TPRG1: variants seen among roughly 807,000 people sequenced by gnomAD.
TPRG1 encodes the protein tumor protein p63-regulated gene 1 protein.
Under a neutral mutation model 29.3 loss-of-function variants are expected in TPRG1, and 29 were observed. The ratio of observed to expected loss-of-function variants is 0.99; its 90% CI spans 0.74 to 1.35. The LOEUF is 1.35. TPRG1 is among the 40% of genes most tolerant of loss of function. The pLI, the probability that TPRG1 is intolerant of heterozygous loss-of-function variation, is 0.00. For missense variants in TPRG1, 327 were observed against 335.0 expected (o/e 0.98, Z 0.19); for synonymous variants, 130 against 116.8 (o/e 1.11, Z -0.73).
In TPRG1 at chr3:189,087,353, C is replaced by T. The variant is rs1011574982; in HGVS notation, c.-462-39704C>T. Among the ~76,000 whole-genome samples, 7 of 151,982 alleles carry T rather than the reference C, an allele frequency of 4.6e-5. No homozygotes were observed. In the South Asian group the frequency reaches 1.2e-3, roughly 27 times the overall value. ...TCCTTTGCCCAATTTTTGATGGGGT[C>T]GTTAGTTTTTTCTTGTAAATTTGTT... On this transcript the variant is annotated intron_variant, in intron 4 of 10. Transcript: ENST00000433971.
chr3:189,154,876 G>A (rs1726455110), intron 5 of TPRG1, among the ~76,000 whole-genome samples: 1 of 152,206 alleles, frequency 6.6e-6, no homozygotes, highest in Non-Finnish European at 1.5e-5. Flanking sequence ...AAAGGTGAGT[G>A]GGTTGGGGTG....
chr3:189,214,026 A>T (rs2108832798), intron 2 of TPRG1, among the ~76,000 whole-genome samples: 1 of 152,294 alleles, frequency 6.6e-6, no homozygotes, highest in East Asian at 1.9e-4. Context: ...TATATGCAAA[A>T]ATTTCTTTAG....
chr3:189,211,784 C>G lies in TPRG1; in HGVS notation c.211-3508C>G, dbSNP rs543235661. On this transcript the variant is annotated intron_variant, in intron 2 of 5. Transcript: ENST00000345063. ...TAGAAGACAGGCCTGGAACCCAGGA[C>G]CCTCGATGCTTTCCACCACATCCCA... is the stretch of plus-strand genomic sequence containing the variant. 3.9e-5 allele frequency: 6 copies of G among 152,282 alleles called. No homozygotes were observed. In the South Asian group the frequency reaches 1.2e-3, roughly 32 times the overall value. 9.4% of individuals were successfully genotyped at this position (152,282 alleles called of 1,614,324 possible).
intron 4 of TPRG1, among the ~76,000 whole-genome samples, chr3:189,292,654 C>A (rs76513280): frequency 6.6e-6 from 1 of 152,150 alleles, no homozygotes; most frequent in African/African-American, 2.4e-5. Context: ...GGCTAGAGAA[C>A]AATTTCAGGG....
intron 3 of TPRG1, among the ~76,000 whole-genome samples, chr3:189,133,558 TTC>T (rs1176331000): frequency 1.3e-5 from 2 of 152,156 alleles, no homozygotes; most frequent in Non-Finnish European, 2.9e-5. Context: ...CTGCCTACAC[TTC>T]TCTCTCCTGC....
At chr3:189,199,897 AAAAC>A (rs1030810301) in intron 1 of TPRG1, among the ~76,000 whole-genome samples, 13 of 152,142 alleles carry the variant, frequency 8.5e-5, no homozygotes, top group African/African-American at 3.1e-4. Flanking sequence ...ACCAAAACCA[AAAAC>A]AAACAAACAA....
At chr3:189,301,298 C>CAAAAAA in intron 4 of TPRG1, among the ~76,000 whole-genome samples, 1 of 43,602 alleles carries the variant, frequency 2.3e-5, no homozygotes, top group Non-Finnish European at 4.2e-5. Flanking sequence ...GACTCCATCT[C>CAAAAAA]AAAAAAAAAA....
intron 4 of TPRG1, among the ~76,000 whole-genome samples, chr3:189,046,000 T>G (rs1714952214): frequency 6.6e-6 from 1 of 152,082 alleles, no homozygotes; most frequent in African/African-American, 2.4e-5. Context: ...TTACTCAAAG[T>G]CAGGAAAGAG....
chr3:189,189,777 G>T (rs1444186802), intron 1 of TPRG1, among the ~76,000 whole-genome samples: 6 of 152,200 alleles, frequency 3.9e-5, no homozygotes, highest in African/African-American at 1.4e-4. Context: ...CTTCCAAATG[G>T]AGAGTTAGTT....
intron 1 of TPRG1, among the ~76,000 whole-genome samples, chr3:189,117,613 C>T (rs1721334223): frequency 1.3e-5 from 2 of 152,166 alleles, no homozygotes; most frequent in African/African-American, 4.8e-5. Context: ...GGAGGGACCC[C>T]ATGGGAGGTA....
rs200767668 is a variant in TPRG1, at chr3:189,312,079, A to T, written c.633+1540A>T. Among the ~76,000 whole-genome samples, 108 of 122,064 alleles carry T rather than the reference A, an allele frequency of 8.8e-4. 8 individuals carry two copies. The highest frequency in any genetic ancestry group is 3.4e-3 in the African/African-American group (87 of 25,340). The allele number at this position is 122,064 out of a possible 152,430, so 80.1% of individuals were successfully genotyped here. A position where few individuals can be genotyped will look rare whatever the true frequency, so the allele number is the denominator to read the frequency against. Reference sequence around the variant, plus strand: ...TATTGTTAACAATGCAGAACACTTTATGTTTCTTTCTTTCTTTGTTTCTTT... The same window carrying T: ...TATTGTTAACAATGCAGAACACTTTTTGTTTCTTTCTTTCTTTGTTTCTTT... On this transcript the variant is annotated intron_variant, in intron 5 of 5. Coordinates refer to ENST00000345063, the MANE Select transcript of TPRG1 (RefSeq NM_198485.4).
intron 3 of TPRG1, among the ~76,000 whole-genome samples, chr3:189,017,385 C>A (rs922794696): frequency 4.6e-5 from 7 of 152,192 alleles, no homozygotes; most frequent in African/African-American, 1.7e-4. Flanking sequence ...CCTGCTCCCC[C>A]CACCTCACAA....
chr3:189,238,704 A>C, intron 3 of TPRG1, 29 bp from the exon 4 acceptor site: 1 of 1,561,066 alleles, frequency 6.4e-7, no homozygotes, highest in South Asian at 1.2e-5. Context: ...TGTGTCATCA[A>C]TTTTTATTTG....
Position 189,323,838 on chromosome 3 carries a change from G to A in TPRG1, c.*3018G>A, listed in dbSNP as rs1002703051. On this transcript the variant is annotated 3_prime_UTR_variant, in exon 6 of 6. Transcript: ENST00000345063. Reference sequence around the variant, plus strand: ...TCATGGTTGGAGGTCTTCATTATTCGGTCTTTATCTCATTCAGGAATTTCC... The same window carrying A: ...TCATGGTTGGAGGTCTTCATTATTCAGTCTTTATCTCATTCAGGAATTTCC... The A allele has an allele frequency of 6.6e-6, 1 of 152,074 alleles. No individual in the cohort carries two copies. The highest frequency in any genetic ancestry group is 1.5e-5 in the Non-Finnish European group (1 of 68,016). The allele number at this position is 152,074 out of a possible 1,614,324, so 9.4% of individuals were successfully genotyped here. A position where few individuals can be genotyped will look rare whatever the true frequency, so the allele number is the denominator to read the frequency against.
chr3:189,183,005 C>G (rs753065496), intron 1 of TPRG1, among the ~76,000 whole-genome samples: 2 of 152,142 alleles, frequency 1.3e-5, no homozygotes, highest in Non-Finnish European at 2.9e-5. Flanking sequence ...AAATTATTAA[C>G]TAAGTAGAGT....
intron 1 of TPRG1, among the ~76,000 whole-genome samples, chr3:189,107,061 C>T (rs1719912708): frequency 6.6e-6 from 1 of 151,676 alleles, no homozygotes; most frequent in Non-Finnish European, 1.5e-5. Context: ...GGTTAAAATA[C>T]AATACCCTGA....
At chr3:189,257,094 T>A (rs1361749697) in intron 4 of TPRG1, among the ~76,000 whole-genome samples, 1 of 152,222 alleles carries the variant, frequency 6.6e-6, no homozygotes, top group Non-Finnish European at 1.5e-5. Context: ...AGTTTCTTCA[T>A]AGTGTCAATG....
At chr3:189,294,470 A>G (rs1719540444) in intron 4 of TPRG1, among the ~76,000 whole-genome samples, 2 of 152,164 alleles carry the variant, frequency 1.3e-5, no homozygotes, top group African/African-American at 4.8e-5. Context: ...TGGAATGATC[A>G]ATTAACTTTA....
intron 5 of TPRG1, among the ~76,000 whole-genome samples, chr3:189,312,077 TTATG>T (rs147656265): frequency 0.012 from 1,559 of 134,138 alleles, 74 homozygotes; most frequent in African/African-American, 0.036. Context: ...GCAGAACACT[TTATG>T]TTTCTTTCTT....
Sources: allele counts gnomAD v4.1 joint callset (sites outside exome capture counted in the v4.1 genomes callset), GRCh38; gene constraint gnomAD v4.1.1; transcripts MANE v1.5; gene names NCBI Gene and HGNC (gene_info 2026-07-23, HGNC 2026-07-21).